Variants in TMEM132C observed in about 807,000 individuals in gnomAD.
The protein encoded by TMEM132C is protein phosphatase 1, regulatory subunit 152.
Under a neutral mutation model 61.4 loss-of-function variants are expected in TMEM132C, and 29 were observed. The observed-to-expected ratio is 0.47, with a 90% CI of 0.35 to 0.64. The LOEUF is 0.64. Ranked by LOEUF, TMEM132C falls within the 30% of genes least tolerant of loss-of-function variation. The probability of loss-of-function intolerance (pLI) is 0.00; values close to 1 mark genes in which losing one functional copy is unlikely to be tolerated. For synonymous variants in TMEM132C, 656 were observed against 633.1 expected (o/e 1.04, Z -0.54); for missense variants, 1,408 against 1,476.9 (o/e 0.95, Z 0.76).
intron 4 of TMEM132C, among the ~76,000 whole-genome samples, chr12:128,636,515 C>T (rs1430982995): frequency 6.6e-6 from 1 of 150,756 alleles, no homozygotes; most frequent in Non-Finnish European, 1.5e-5. Context: ...CCAAAGTTTA[C>T]TTATGTCCTT....
intron 4 of TMEM132C, among the ~76,000 whole-genome samples, chr12:128,639,290 GTGATGA>G (rs199739677): frequency 1.3e-5 from 2 of 150,500 alleles, no homozygotes; most frequent in Non-Finnish European, 3.0e-5. Context: ...AATGACAATG[GTGATGA>G]TGATGATGGT....
Position 128,695,912 on chromosome 12 carries a change from C to A in TMEM132C, c.1738C>A (p.Arg580=), listed in dbSNP as rs753914521. Reference sequence around the variant, plus strand: ...ACTGCAATACCAGCACGCCACCGTGCGGGTCCTCACCCAGTTTGTGTCTGA... The same window carrying A: ...ACTGCAATACCAGCACGCCACCGTGAGGGTCCTCACCCAGTTTGTGTCTGA... ...CALQYQHATV[R]VLTQFVSEGA... is the part of the protein sequence containing the mutation. The change falls in exon 7 of 9, where the codon CGG becomes AGG. Residue 580 remains arginine, a synonymous_variant. Coordinates refer to ENST00000435159, the MANE Select transcript of TMEM132C (RefSeq NM_001136103.3). 2 of 1,551,552 alleles carry A rather than the reference C, an allele frequency of 1.3e-6. No individual in the cohort carries two copies. The highest frequency in any genetic ancestry group is 1.4e-5 in the African/African-American group (1 of 73,042).
intron 2 of TMEM132C, among the ~76,000 whole-genome samples, chr12:128,485,369 G>C (rs1008014761): frequency 3.3e-5 from 5 of 152,072 alleles, no homozygotes; most frequent in Admixed American, 2.6e-4. Context: ...TACAGACAGG[G>C]TTTCACCATG....
chr12:128,511,237 T>C (rs1872554917), intron 2 of TMEM132C, among the ~76,000 whole-genome samples: 1 of 152,228 alleles, frequency 6.6e-6, no homozygotes, highest in East Asian at 1.9e-4. Context: ...TGAATGCAGC[T>C]GCTGTCATTC....
At chr12:128,538,296 GT>G (rs66922452) in intron 2 of TMEM132C, among the ~76,000 whole-genome samples, 41,196 of 151,874 alleles carry the variant, frequency 0.27, 6,694 homozygotes, top group South Asian at 0.39. Context: ...AATTTTTTTT[GT>G]ATTTTCAGTA....
intron 2 of TMEM132C, among the ~76,000 whole-genome samples, chr12:128,482,240 A>T (rs1871335470): frequency 6.6e-6 from 1 of 152,208 alleles, no homozygotes; most frequent in Non-Finnish European, 1.5e-5. Flanking sequence ...CCCAGGGATG[A>T]AGCCGACTTG....
At chr12:128,279,952 C>T (rs1027573339) in intron 1 of TMEM132C, among the ~76,000 whole-genome samples, 2 of 152,182 alleles carry the variant, frequency 1.3e-5, no homozygotes, top group Non-Finnish European at 2.9e-5. Flanking sequence ...ACCTCTGGTA[C>T]TCTGGTGAGG....
chr12:128,301,583 G>A (rs147608368), intron 1 of TMEM132C, among the ~76,000 whole-genome samples: 1,957 of 152,156 alleles, frequency 0.013, 136 homozygotes, highest in Admixed American at 0.11. Context: ...GATTTTTGAA[G>A]AATCAGGTAG....
chr12:128,530,522 C>T (rs907932623), intron 2 of TMEM132C, among the ~76,000 whole-genome samples: 25 of 152,078 alleles, frequency 1.6e-4, no homozygotes, highest in African/African-American at 6.0e-4. Context: ...CGGCTCACTG[C>T]AGCCTCTGCC....
At chr12:128,309,195 C>T (rs1053079566) in intron 1 of TMEM132C, among the ~76,000 whole-genome samples, 2 of 152,168 alleles carry the variant, frequency 1.3e-5, no homozygotes, top group Admixed American at 1.3e-4. Flanking sequence ...GAAGCCGTAT[C>T]GTTTTGTTTC....
chr12:128,575,129 C>A (rs1279500106), intron 3 of TMEM132C, among the ~76,000 whole-genome samples: 5 of 152,206 alleles, frequency 3.3e-5, no homozygotes, highest in Non-Finnish European at 7.3e-5. Flanking sequence ...CTTTGACCAG[C>A]ATTTACATTG....
At chr12:128,695,518 G>A (rs1035211448) in intron 6 of TMEM132C, among the ~76,000 whole-genome samples, 8 of 152,212 alleles carry the variant, frequency 5.3e-5, no homozygotes, top group Admixed American at 3.3e-4. Flanking sequence ...GCAAGACCCT[G>A]TCTCTAAAAA....
At position 128,267,465 on chromosome 12, in the gene TMEM132C, G is replaced by T. The variant is rs1351909022; in HGVS notation, c.63G>T (p.Leu21=). The stretch of plus-strand genomic sequence containing the variant: ...CGCTGTGCGGGGCGCTGAGCCTGCT[G>T]CTGGGCGCGCTGCTGGGCAAAGGTA... The part of the protein sequence containing the change: ...AAPLCGALSL[L]LGALLGKVIE... Residue 21 remains leucine (L), a synonymous_variant, in exon 1 of 9, where the codon CTG becomes CTT. Transcript: ENST00000435159. The T allele has an allele frequency of 1.6e-6, 2 of 1,269,562 alleles. No individual in the cohort carries two copies. The highest frequency in any genetic ancestry group is 2.0e-6 in the Non-Finnish European group (2 of 1,009,776). 78.6% of individuals were successfully genotyped at this position (1,269,562 alleles called of 1,614,324 possible).
intron 2 of TMEM132C, among the ~76,000 whole-genome samples, chr12:128,427,598 T>C (rs1869238833): frequency 1.3e-5 from 2 of 152,002 alleles, no homozygotes; most frequent in Non-Finnish European, 2.9e-5. Context: ...CCTTCCCCAC[T>C]TTCCTCCAGG....
intron 3 of TMEM132C, among the ~76,000 whole-genome samples, chr12:128,567,452 AC>A (rs1260953770): frequency 2.1e-5 from 3 of 144,420 alleles, no homozygotes; most frequent in Non-Finnish European, 4.4e-5. Flanking sequence ...ACACACACAC[AC>A]ACACACACAC....
chr12:128,650,172 G>A (rs1463683746), intron 4 of TMEM132C, among the ~76,000 whole-genome samples: 1 of 152,174 alleles, frequency 6.6e-6, no homozygotes. Context: ...GAGTGCAGTA[G>A]GGAAGAGGAA....
At chr12:128,672,899 C>A (rs1314808604) in intron 5 of TMEM132C, among the ~76,000 whole-genome samples, 1 of 152,166 alleles carries the variant, frequency 6.6e-6, no homozygotes, top group Non-Finnish European at 1.5e-5. Flanking sequence ...TGTAAACTGG[C>A]AAATCAAACT....
At chr12:128,292,105 G>A (rs944562298) in intron 1 of TMEM132C, among the ~76,000 whole-genome samples, 3 of 152,140 alleles carry the variant, frequency 2.0e-5, no homozygotes, top group Admixed American at 1.3e-4. Flanking sequence ...GCCTCACTAC[G>A]TAATCAATTC....
At chr12:128,501,860 A>G (rs570656781) in intron 2 of TMEM132C, among the ~76,000 whole-genome samples, 1 of 152,294 alleles carries the variant, frequency 6.6e-6, no homozygotes. Context: ...CATGATTCTC[A>G]ACCATTGCCT....
Sources: allele counts gnomAD v4.1 joint callset (sites outside exome capture counted in the v4.1 genomes callset), GRCh38; gene constraint gnomAD v4.1.1; transcripts MANE v1.5; gene names NCBI Gene and HGNC (gene_info 2026-07-23, HGNC 2026-07-21).